The following USH2A variants were observed in gnomAD, a reference collection of about 807,000 sequenced individuals.
The protein encoded by USH2A is usherin.
Under a neutral mutation model 538.9 loss-of-function variants are expected in USH2A, and 443 were observed. That is an observed-to-expected ratio of 0.82 (90% CI 0.76 to 0.89). USH2A has a LOEUF of 0.89. Among genes scored for constraint, USH2A ranks in the 40% least tolerant of loss-of-function variants. The pLI, the probability that USH2A is intolerant of heterozygous loss-of-function variation, is 0.00. For synonymous variants in USH2A, 2,413 were observed against 2,273.5 expected (o/e 1.06, Z -1.75); for missense variants, 6,633 against 6,324.8 (o/e 1.05, Z -1.65).
rs117352518 is a variant in USH2A at position 216,169,473 on chromosome 1, G to A, written c.4627+5779C>T. Among the ~76,000 whole-genome samples the A allele has an allele frequency of 2.7e-4, 41 of 152,150 alleles. No individual in the cohort carries two copies. The East Asian group carries it at 7.0e-3, about 26-fold the overall frequency. The stretch of plus-strand genomic sequence containing the variant: ...GGAAATAATGGTCCTCTCCCATCTC[G>A]CAGTGCCATCAATGCCACCTGAAGG... On this transcript the variant is annotated intron_variant, in intron 21 of 71. Coordinates refer to ENST00000307340, the MANE Select transcript of USH2A (RefSeq NM_206933.4).
At chr1:216,019,705 C>T (rs896624147) in intron 32 of USH2A, among the ~76,000 whole-genome samples, 14 of 152,102 alleles carry the variant, frequency 9.2e-5, no homozygotes, top group African/African-American at 3.1e-4. Context: ...GCTGGGAGAG[C>T]GTCACCCATT....
chr1:216,038,615 A>G lies in USH2A; in HGVS notation c.6325+7816T>C, dbSNP rs1408734560. Among the ~76,000 whole-genome samples, 6 of 152,038 alleles carry G rather than the reference A, an allele frequency of 3.9e-5. No homozygotes were observed. The East Asian group carries it at 1.2e-3, about 29-fold the overall frequency. On this transcript the variant is annotated intron_variant, in intron 32 of 71. Coordinates refer to ENST00000307340, the MANE Select transcript of USH2A (RefSeq NM_206933.4). ...GAGGCCACAAAATGAGGAGCTTTAC[A>G]GGGTGCTGACAATGTTCTGTTTCTT... is the stretch of plus-strand genomic sequence containing the variant.
At chr1:216,335,829 C>T (rs948418950) in intron 4 of USH2A, among the ~76,000 whole-genome samples, 3 of 151,426 alleles carry the variant, frequency 2.0e-5, no homozygotes, top group Non-Finnish European at 3.0e-5. Flanking sequence ...CTTTCATTGG[C>T]GAATTCTACC....
chr1:216,094,115 G>A (rs2032380275), intron 22 of USH2A, among the ~76,000 whole-genome samples: 1 of 152,056 alleles, frequency 6.6e-6, no homozygotes, highest in Non-Finnish European at 1.5e-5. Flanking sequence ...CAGGTTGAAG[G>A]GGAAAAAGCA....
intron 30 of USH2A, among the ~76,000 whole-genome samples, chr1:216,060,874 C>T (rs149882213): frequency 1.2e-4 from 18 of 152,174 alleles, no homozygotes; most frequent in Non-Finnish European, 1.9e-4. Flanking sequence ...TGAGGGGAAA[C>T]GCCAGTCCTG....
chr1:216,413,074 A>C (rs919600675), intron 3 of USH2A, among the ~76,000 whole-genome samples: 1 of 152,082 alleles, frequency 6.6e-6, no homozygotes, highest in Non-Finnish European at 1.5e-5. Flanking sequence ...TATTGATCTT[A>C]ATTTATTTTG....
intron 64 of USH2A, among the ~76,000 whole-genome samples, chr1:215,655,477 G>T (rs982916832): frequency 1.3e-5 from 2 of 152,086 alleles, no homozygotes. Flanking sequence ...AAATTGCTGA[G>T]TCTATTTTTC....
chr1:215,921,704 T>C (rs1227874657), intron 38 of USH2A, among the ~76,000 whole-genome samples: 1 of 152,056 alleles, frequency 6.6e-6, no homozygotes, highest in African/African-American at 2.4e-5. Flanking sequence ...AGTCAGTCTC[T>C]AGGTTTAAAT....
chr1:215,886,936 C>T (rs1665072372), intron 41 of USH2A, among the ~76,000 whole-genome samples: 1 of 152,110 alleles, frequency 6.6e-6, no homozygotes, highest in Non-Finnish European at 1.5e-5. Context: ...CGGCTCACTG[C>T]AAGCTCCGCC....
intron 15 of USH2A, among the ~76,000 whole-genome samples, chr1:216,207,885 T>C (rs1040459696): frequency 6.6e-6 from 1 of 150,422 alleles, no homozygotes; most frequent in Non-Finnish European, 1.5e-5. Context: ...TTTATCTTGC[T>C]TCAGAGAGCA....
At chr1:216,009,353 T>A (rs1439138299) in intron 32 of USH2A, among the ~76,000 whole-genome samples, 1 of 152,118 alleles carries the variant, frequency 6.6e-6, no homozygotes, top group African/African-American at 2.4e-5. Context: ...AATCTAAGTG[T>A]CTTATTTTCT....
chr1:215,735,795 C>T (rs1450749009), intron 60 of USH2A, among the ~76,000 whole-genome samples: 1 of 152,104 alleles, frequency 6.6e-6, no homozygotes, highest in African/African-American at 2.4e-5. Flanking sequence ...TAACCATGAA[C>T]CTCTTTCATT....
chr1:216,382,687 TGCCGTGAAAAGTGCATAGTGTTAA>T (rs1028915818), intron 3 of USH2A, among the ~76,000 whole-genome samples: 2 of 152,096 alleles, frequency 1.3e-5, no homozygotes, highest in African/African-American at 4.8e-5. Flanking sequence ...GGAAAGTGTG[TGCCGTGAAAAGTGCATAGTGTTAA>T]GCAAGGAACC....
chr1:215,694,487 G>A (rs1451541511), intron 61 of USH2A, among the ~76,000 whole-genome samples: 1 of 152,140 alleles, frequency 6.6e-6, no homozygotes, highest in Non-Finnish European at 1.5e-5. Flanking sequence ...GCAGGAGAAT[G>A]GCGTGAACCC....
chr1:216,183,202 G>C (rs1049152731), intron 20 of USH2A, among the ~76,000 whole-genome samples: 2 of 151,894 alleles, frequency 1.3e-5, no homozygotes, highest in African/African-American at 4.8e-5. Flanking sequence ...GCCCCAGCCT[G>C]AAGGATTTCC....
At chr1:216,120,219 CAAAAAAAAAAAAAAAAAAAAA>C (rs10525093) in intron 21 of USH2A, among the ~76,000 whole-genome samples, 1 of 100,070 alleles carries the variant, frequency 1.0e-5, no homozygotes, top group Admixed American at 1.2e-4. Context: ...TACTAAATAG[CAAAAAAAAAAAAAAAAAAAAA>C]AAAAAAAAAA....
intron 13 of USH2A, among the ~76,000 whole-genome samples, chr1:216,245,191 GT>G: frequency 6.6e-6 from 1 of 152,168 alleles, no homozygotes; most frequent in East Asian, 1.9e-4. Context: ...TAATCTTCCT[GT>G]CTTCTGGGAT....
chr1:216,132,328 T>C (rs188127428), intron 21 of USH2A, among the ~76,000 whole-genome samples: 18 of 152,200 alleles, frequency 1.2e-4, no homozygotes, highest in East Asian at 5.8e-4. Flanking sequence ...TGAACACTCA[T>C]TGGAGGCCAG....
In USH2A at chr1:215,837,996, A is replaced by G. The variant is rs777448349; in HGVS notation, c.9366T>C (p.Thr3122=). 4.3e-6 allele frequency: 7 copies of G among 1,613,534 alleles called. No homozygotes were observed. In the Admixed American group the frequency reaches 1.2e-4, roughly 27 times the overall value. ...DIPTPTIRGI[T]SRSLQIDWVS... The stretch of plus-strand genomic sequence containing the variant: ...ACTGACACAAAATTTTGTACCTTGA[A>G]GTGATGCCACGAATTGTGGGTGTTG... Residue 3122 remains threonine, a synonymous_variant, in exon 47 of 72, where the codon ACT becomes ACC. Transcript: ENST00000307340.
Sources: gnomAD v4.1 joint callset for allele counts (sites outside exome capture counted in the v4.1 genomes callset) on GRCh38, gnomAD v4.1.1 for gene constraint, MANE v1.5 for transcripts, NCBI Gene and HGNC (gene_info 2026-07-23, HGNC 2026-07-21) for gene names.